Variants in RIMS2 observed in about 807,000 individuals in gnomAD.
RIMS2 encodes regulating synaptic membrane exocytosis protein 2.
In RIMS2, 59 loss-of-function variants were observed where a neutral mutation model predicts 174.4. That is an observed-to-expected ratio of 0.34 (90% CI 0.27 to 0.42). The LOEUF (loss-of-function observed/expected upper bound fraction) is 0.42, where lower values mean the gene tolerates loss of function less well. Ranked by LOEUF, RIMS2 falls within the 10% of genes least tolerant of loss-of-function variation. RIMS2 has a pLI of 1.00. For synonymous variants in RIMS2, 606 were observed against 572.5 expected (o/e 1.06, Z -0.84); for missense variants, 1,620 against 1,666.3 (o/e 0.97, Z 0.48).
chr8:104,072,499 A>G (rs1281787982), intron 19 of RIMS2, among the ~76,000 whole-genome samples: 1 of 152,112 alleles, frequency 6.6e-6, no homozygotes, highest in Admixed American at 6.6e-5. Context: ...CATGGAAAGT[A>G]TTACTTGGGC....
chr8:104,135,682 G>C lies in RIMS2; in HGVS notation c.3335-109234G>C, dbSNP rs75965921. 8.2e-3 allele frequency among the ~76,000 whole-genome samples: 1,248 copies of C among 151,414 alleles called. 126 individuals are homozygous for C. The East Asian group carries it at 0.22, about 26-fold the overall frequency. ...TACACAGAGAAGCAGCATGTGGTAG[G>C]ATTTATCAAGGAGTTCAGCCAGTTG... On this transcript the variant is annotated intron_variant, in intron 19 of 23. Coordinates refer to ENST00000504942, the Ensembl canonical transcript of RIMS2.
chr8:104,056,655 G>C (rs1164936876), intron 19 of RIMS2, among the ~76,000 whole-genome samples: 3 of 152,144 alleles, frequency 2.0e-5, no homozygotes, highest in Non-Finnish European at 4.4e-5. Context: ...ACTAAGGTGG[G>C]AGGATTGCTT....
intron 3 of RIMS2, among the ~76,000 whole-genome samples, chr8:103,774,142 A>G (rs1166395024): frequency 1.3e-5 from 2 of 152,250 alleles, no homozygotes; most frequent in Non-Finnish European, 2.9e-5. Context: ...ACGCTGTCTC[A>G]ATAAATAAAT....
chr8:103,760,167 G>C (rs1233083402), intron 2 of RIMS2, among the ~76,000 whole-genome samples: 2 of 152,200 alleles, frequency 1.3e-5, no homozygotes, highest in Non-Finnish European at 2.9e-5. Flanking sequence ...CTAAGACTGG[G>C]AAATGCTTAA....
intron 19 of RIMS2, among the ~76,000 whole-genome samples, chr8:104,191,130 A>C (rs1357841177): frequency 3.3e-5 from 5 of 151,552 alleles, no homozygotes; most frequent in Non-Finnish European, 5.9e-5. Context: ...TATTTCCAAC[A>C]ACAAAAATTT....
chr8:104,184,306 A>G (rs1252773529), intron 19 of RIMS2, among the ~76,000 whole-genome samples: 3 of 151,596 alleles, frequency 2.0e-5, no homozygotes, highest in Non-Finnish European at 4.4e-5. Flanking sequence ...AAATTGGGTA[A>G]TATGCCTCTA....
intron 19 of RIMS2, among the ~76,000 whole-genome samples, chr8:104,022,389 TG>T: frequency 7.2e-6 from 1 of 138,816 alleles, no homozygotes. Context: ...TCTCTTTTTT[TG>T]TTTTTTTTAA....
intron 1 of RIMS2, among the ~76,000 whole-genome samples, chr8:103,510,064 C>T (rs1384855007): frequency 6.6e-6 from 1 of 152,080 alleles, no homozygotes; most frequent in Non-Finnish European, 1.5e-5. Context: ...AGGAGGAATG[C>T]CCTTTAGCAT....
intron 19 of RIMS2, among the ~76,000 whole-genome samples, chr8:104,216,645 C>A (rs572561770): frequency 2.0e-5 from 3 of 152,126 alleles, no homozygotes. Flanking sequence ...TAATATCTCC[C>A]TCATAGGATT....
At chr8:104,198,056 T>A (rs1217518093) in intron 19 of RIMS2, among the ~76,000 whole-genome samples, 4 of 152,154 alleles carry the variant, frequency 2.6e-5, no homozygotes, top group Non-Finnish European at 5.9e-5. Flanking sequence ...TCAAAACCAA[T>A]AAGCCTTTTT....
intron 13 of RIMS2, 97 bp downstream of exon 15, chr8:103,936,819 G>A (rs1177626862): frequency 2.1e-6 from 2 of 955,884 alleles, no homozygotes; most frequent in Non-Finnish European, 1.5e-6. Context: ...GAATAGGCCA[G>A]GCATGGTGGC....
At chr8:103,775,053 A>T (rs1288823966) in intron 3 of RIMS2, among the ~76,000 whole-genome samples, 1 of 152,064 alleles carries the variant, frequency 6.6e-6, no homozygotes, top group Non-Finnish European at 1.5e-5. Context: ...TCAATAATGG[A>T]TTTTTTTCAG....
At chr8:103,698,554 A>G (rs1041304583) in intron 2 of RIMS2, among the ~76,000 whole-genome samples, 1 of 152,216 alleles carries the variant, frequency 6.6e-6, no homozygotes, top group African/African-American at 2.4e-5. Flanking sequence ...GTTGATTTTT[A>G]TATGTTAAAT....
intron 19 of RIMS2, among the ~76,000 whole-genome samples, chr8:104,184,561 T>C (rs1346580751): frequency 6.6e-6 from 1 of 151,566 alleles, no homozygotes; most frequent in East Asian, 1.9e-4. Context: ...TCTGATAGTA[T>C]CAAGGTGAAA....
intron 2 of RIMS2, among the ~76,000 whole-genome samples, chr8:103,728,074 A>T (rs1480123575): frequency 6.6e-6 from 1 of 152,082 alleles, no homozygotes; most frequent in African/African-American, 2.4e-5. Context: ...ATGAACATGG[A>T]ATATCTTTTC....
intron 2 of RIMS2, among the ~76,000 whole-genome samples, chr8:103,698,766 T>G: frequency 6.6e-6 from 1 of 152,072 alleles, no homozygotes; most frequent in Admixed American, 6.5e-5. Context: ...CCATGGTGCC[T>G]GTCTGATTTA....
intron 9 of RIMS2, among the ~76,000 whole-genome samples, chr8:103,920,031 A>G (rs557637705): frequency 3.3e-5 from 5 of 152,246 alleles, no homozygotes; most frequent in African/African-American, 1.2e-4. Context: ...CCTTTATTAC[A>G]TCTCTCAGAT....
intron 19 of RIMS2, among the ~76,000 whole-genome samples, chr8:104,183,518 A>G (rs1035079461): frequency 2.0e-5 from 3 of 151,606 alleles, no homozygotes; most frequent in African/African-American, 7.3e-5. Flanking sequence ...TTTGAATACT[A>G]AAATACCAGT....
rs531529019 is a variant in RIMS2, at chr8:103,798,210, T to G, written c.698+31673T>G. On this transcript the variant is annotated intron_variant, in intron 3 of 23. Transcript: ENST00000504942. ...AGTCAGGATTAATGATATAGTTATA[T>G]AAACATAAATATTTGAAATGGGCAA... Among the ~76,000 whole-genome samples, 5 of 152,280 alleles carry G rather than the reference T, an allele frequency of 3.3e-5. No individual in the cohort carries two copies. The South Asian group carries it at 1.0e-3, about 32-fold the overall frequency.
Sources: gnomAD v4.1 joint callset for allele counts (sites outside exome capture counted in the v4.1 genomes callset) on GRCh38, gnomAD v4.1.1 for gene constraint, MANE v1.5 for transcripts, NCBI Gene and HGNC (gene_info 2026-07-23, HGNC 2026-07-21) for gene names.